The following KCNIP1 variants were observed in gnomAD, a reference collection of about 807,000 sequenced individuals.
KCNIP1 encodes A-type potassium channel modulatory protein KCNIP1.
Under a neutral mutation model 33.0 loss-of-function variants are expected in KCNIP1, and 18 were observed. The ratio of observed to expected loss-of-function variants is 0.55; its 90% CI spans 0.38 to 0.81. The LOEUF is 0.81. Ranked by LOEUF, KCNIP1 falls within the 30% of genes least tolerant of loss-of-function variation. The pLI, the probability that KCNIP1 is intolerant of heterozygous loss-of-function variation, is 0.00. For missense variants in KCNIP1, 238 were observed against 271.6 expected (o/e 0.88, Z 0.87); for synonymous variants, 93 against 98.3 (o/e 0.95, Z 0.32).
intron 1 of KCNIP1, among the ~76,000 whole-genome samples, chr5:170,398,072 C>G (rs971656885): frequency 1.3e-5 from 2 of 152,150 alleles, no homozygotes; most frequent in African/African-American, 2.4e-5. Context: ...TGTTTCTTAT[C>G]AGACTTAAGG....
intron 1 of KCNIP1, among the ~76,000 whole-genome samples, chr5:170,425,700 C>T (rs1755598321): frequency 6.6e-6 from 1 of 152,214 alleles, no homozygotes; most frequent in Non-Finnish European, 1.5e-5. Context: ...GTGCCTCTTC[C>T]TCTGCCACGG....
In KCNIP1 at chr5:170,353,563, G is replaced by A. The variant is rs116085636; in HGVS notation, c.-314G>A. Reference sequence around the variant, plus strand: ...TCTGCTCAACTTCACTCTCCTCCTCGGTTCCCTTGGAGTACCTTGTGCCCC... The same window carrying A: ...TCTGCTCAACTTCACTCTCCTCCTCAGTTCCCTTGGAGTACCTTGTGCCCC... On this transcript the variant is annotated 5_prime_UTR_variant, in exon 1 of 8. Coordinates refer to the KCNIP1 transcript ENST00000377360. The A allele has an allele frequency of 3.9e-3, 1,766 of 451,418 alleles. 29 individuals carry two copies. Among genetic ancestry groups the A allele is most frequent in the African/African-American group, 0.031 (1,581 of 50,788 alleles). 28.0% of individuals were successfully genotyped at this position (451,418 alleles called of 1,614,324 possible).
At chr5:170,720,497 A>G (rs1763781816) in intron 3 of KCNIP1, 107 bp downstream of exon 3, 1 of 859,734 alleles carries the variant, frequency 1.2e-6, no homozygotes, top group African/African-American at 1.7e-5. Context: ...CTCGAGGAAG[A>G]GACAAACTCA....
chr5:170,480,979 C>A (rs1756965277), intron 1 of KCNIP1, among the ~76,000 whole-genome samples: 1 of 152,106 alleles, frequency 6.6e-6, no homozygotes, highest in South Asian at 2.1e-4. Context: ...AATAATATCA[C>A]CCATATATAA....
At chr5:170,434,043 C>G (rs958417493) in intron 1 of KCNIP1, among the ~76,000 whole-genome samples, 1 of 152,160 alleles carries the variant, frequency 6.6e-6, no homozygotes, top group Non-Finnish European at 1.5e-5. Context: ...GATTTGTGCC[C>G]ACTTTTCTCA....
At chr5:170,626,579 CA>C (rs35373656) in intron 1 of KCNIP1, among the ~76,000 whole-genome samples, 14,408 of 152,202 alleles carry the variant, frequency 0.095, 754 homozygotes, top group South Asian at 0.1. Context: ...TATGCTGGAC[CA>C]GGGGCAGAGA....
intron 1 of KCNIP1, chr5:170,383,020 GAGGGAAGAA>G: frequency 6.6e-6 from 1 of 152,534 alleles, no homozygotes; most frequent in South Asian, 2.1e-4. Flanking sequence ...AAGAAAGAAG[GAGGGAAGAA>G]AGGGAAAAAA....
intron 1 of KCNIP1, among the ~76,000 whole-genome samples, chr5:170,372,601 C>G (rs777340836): frequency 6.6e-6 from 1 of 152,006 alleles, no homozygotes; most frequent in Non-Finnish European, 1.5e-5. Flanking sequence ...ACTCCTATCG[C>G]CCCTAAAGGA....
At chr5:170,414,450 C>T (rs1046104242) in intron 1 of KCNIP1, among the ~76,000 whole-genome samples, 1 of 152,202 alleles carries the variant, frequency 6.6e-6, no homozygotes, top group Admixed American at 6.5e-5. Flanking sequence ...CATGTTCAAA[C>T]AGGGCAAATG....
chr5:170,682,225 G>A (rs956005612), intron 1 of KCNIP1, among the ~76,000 whole-genome samples: 1 of 152,156 alleles, frequency 6.6e-6, no homozygotes, highest in Admixed American at 6.5e-5. Flanking sequence ...AATCTGTCTC[G>A]GTTTAATGTT....
chr5:170,479,049 T>G (rs1756919314), intron 1 of KCNIP1, among the ~76,000 whole-genome samples: 1 of 152,228 alleles, frequency 6.6e-6, no homozygotes, highest in Admixed American at 6.5e-5. Flanking sequence ...AAATGTGTAG[T>G]GTCAGATAGA....
intron 1 of KCNIP1, among the ~76,000 whole-genome samples, chr5:170,392,994 A>G (rs1191483647): frequency 6.6e-6 from 1 of 152,224 alleles, no homozygotes; most frequent in Non-Finnish European, 1.5e-5. Flanking sequence ...ACACATACAC[A>G]TGGACATTCC....
At chr5:170,406,226 T>C (rs1218841494) in intron 1 of KCNIP1, among the ~76,000 whole-genome samples, 1 of 152,074 alleles carries the variant, frequency 6.6e-6, no homozygotes, top group Non-Finnish European at 1.5e-5. Flanking sequence ...GGAGAGAGAT[T>C]GGGGGTACGT....
At chr5:170,572,021 C>G (rs1029279893) in intron 1 of KCNIP1, among the ~76,000 whole-genome samples, 6 of 152,084 alleles carry the variant, frequency 3.9e-5, no homozygotes, top group Non-Finnish European at 5.9e-5. Flanking sequence ...GTAATGACAG[C>G]CCAAGTAGTC....
chr5:170,490,694 A>G (rs1459425675), intron 1 of KCNIP1, among the ~76,000 whole-genome samples: 1 of 152,176 alleles, frequency 6.6e-6, no homozygotes, highest in Admixed American at 6.5e-5. Context: ...AAAATCTCAC[A>G]TGACTTCTCA....
intron 1 of KCNIP1, among the ~76,000 whole-genome samples, chr5:170,357,568 T>C (rs1024223049): frequency 4.0e-4 from 61 of 152,202 alleles, no homozygotes; most frequent in Non-Finnish European, 4.1e-4. Flanking sequence ...TCTCATTCTG[T>C]TCCCCAGGCT....
chr5:170,682,559 G>A (rs898616432), intron 1 of KCNIP1, among the ~76,000 whole-genome samples: 1 of 152,094 alleles, frequency 6.6e-6, no homozygotes, highest in African/African-American at 2.4e-5. Flanking sequence ...AAAATCACCT[G>A]AAATCTGACA....
intron 1 of KCNIP1, among the ~76,000 whole-genome samples, chr5:170,392,394 C>A (rs1008708920): frequency 1.3e-5 from 2 of 152,308 alleles, no homozygotes; most frequent in African/African-American, 4.8e-5. Flanking sequence ...GTTATGCAGT[C>A]ATAGTAACTG....
rs569124558 is a variant in KCNIP1, at chr5:170,660,088, T to C, written c.62-58670T>C. 6.6e-5 allele frequency among the ~76,000 whole-genome samples: 10 copies of C among 152,244 alleles called. No homozygotes were observed. In the South Asian group the frequency reaches 1.5e-3, roughly 22 times the overall value. On this transcript the variant is annotated intron_variant, in intron 1 of 7. Transcript: ENST00000328939. ...AGGTATCTCTGGCTCCCAAAGAACA[T>C]AGGACATTACCAACTTGAAGTTAGC...
Sources: allele counts gnomAD v4.1 joint callset (sites outside exome capture counted in the v4.1 genomes callset), GRCh38; gene constraint gnomAD v4.1.1; transcripts MANE v1.5; gene names NCBI Gene and HGNC (gene_info 2026-07-23, HGNC 2026-07-21).